NRXN1: variants seen among roughly 807,000 people sequenced by gnomAD.
NRXN1 encodes the protein neurexin 1, also known as neurexin-1.
NRXN1 carries 39 observed loss-of-function variants against 150.9 expected under a neutral mutation model. The observed-to-expected ratio is 0.26, with a 90% confidence interval of 0.20 to 0.34. The LOEUF (loss-of-function observed/expected upper bound fraction) is 0.34, where lower values mean the gene tolerates loss of function less well. Among genes scored for constraint, NRXN1 ranks in the 10% least tolerant of loss-of-function variants. The probability of loss-of-function intolerance (pLI) is 1.00; values close to 1 mark genes in which losing one functional copy is unlikely to be tolerated. For missense variants in NRXN1, 1,815 were observed against 1,949.9 expected (o/e 0.93, Z 1.30); for synonymous variants, 924 against 757.0 (o/e 1.22, Z -3.62).
intron 12 of NRXN1, among the ~76,000 whole-genome samples, chr2:50,525,743 C>CT (rs1452235941): frequency 6.6e-6 from 1 of 152,086 alleles, no homozygotes; most frequent in African/African-American, 2.4e-5. Context: ...TGAAAATAAG[C>CT]TTTTTTATTT....
At chr2:50,426,712 C>G (rs1295439394) in intron 17 of NRXN1, among the ~76,000 whole-genome samples, 1 of 152,146 alleles carries the variant, frequency 6.6e-6, no homozygotes, top group Admixed American at 6.5e-5. Context: ...AAAAATTTCA[C>G]TGCAAATTCA....
At chr2:50,479,582 G>A (rs753889860) in intron 15 of NRXN1, among the ~76,000 whole-genome samples, 2 of 151,286 alleles carry the variant, frequency 1.3e-5, no homozygotes, top group Non-Finnish European at 2.9e-5. Flanking sequence ...TTGATAATTA[G>A]TTGTTGACTC....
chr2:50,590,162 T>G (rs1175829246), intron 8 of NRXN1, among the ~76,000 whole-genome samples: 1 of 152,198 alleles, frequency 6.6e-6, no homozygotes, highest in Non-Finnish European at 1.5e-5. Context: ...TTTTAGAGTT[T>G]TAAAAAATCA....
chr2:50,614,038 G>C (rs1288211623), intron 8 of NRXN1, among the ~76,000 whole-genome samples: 1 of 152,014 alleles, frequency 6.6e-6, no homozygotes, highest in Non-Finnish European at 1.5e-5. Flanking sequence ...AAGTGAAGTG[G>C]GAAAGCAAAA....
chr2:50,260,182 C>T (rs2068107248), intron 17 of NRXN1, among the ~76,000 whole-genome samples: 1 of 151,792 alleles, frequency 6.6e-6, no homozygotes, highest in Admixed American at 6.6e-5. Context: ...TCTCTTAGAA[C>T]ATAGTGGTCA....
At chr2:50,328,200 A>G (rs773823110) in intron 17 of NRXN1, among the ~76,000 whole-genome samples, 7 of 151,538 alleles carry the variant, frequency 4.6e-5, no homozygotes, top group Non-Finnish European at 7.4e-5. Flanking sequence ...AACATGAGAT[A>G]TTTTTGTAAT....
intron 2 of NRXN1, among the ~76,000 whole-genome samples, chr2:50,927,172 T>C (rs1687029956): frequency 6.6e-6 from 1 of 152,008 alleles, no homozygotes; most frequent in Non-Finnish European, 1.5e-5. Flanking sequence ...GTATAGAAAC[T>C]TGAAAGCAAA....
Position 50,842,800 on chromosome 2 carries a change from G to A in NRXN1, c.832+79069C>T, listed in dbSNP as rs191647524. On this transcript the variant is annotated intron_variant, in intron 5 of 22. Transcript: ENST00000401669. ...AGCAAGACCAATATTTTTATTTACA[G>A]ATTTTCATGTAAGTGTGCATTCCCT... Among the ~76,000 whole-genome samples the A allele has an allele frequency of 2.0e-5, 3 of 152,234 alleles. No individual in the cohort carries two copies. In the East Asian group the frequency reaches 5.8e-4, roughly 29 times the overall value.
intron 21 of NRXN1, among the ~76,000 whole-genome samples, chr2:50,051,866 T>C (rs1170959956): frequency 6.6e-6 from 1 of 152,004 alleles, no homozygotes; most frequent in Non-Finnish European, 1.5e-5. Flanking sequence ...GAACACCCTA[T>C]AAGACATCCC....
At chr2:50,281,238 AC>A (rs2071412472) in intron 17 of NRXN1, among the ~76,000 whole-genome samples, 1 of 151,502 alleles carries the variant, frequency 6.6e-6, no homozygotes, top group African/African-American at 2.4e-5. Context: ...AATGGCATGA[AC>A]CCGGGAGGCG....
chr2:50,034,038 T>C (rs998579041), intron 21 of NRXN1, among the ~76,000 whole-genome samples: 3 of 151,054 alleles, frequency 2.0e-5, no homozygotes, highest in African/African-American at 7.3e-5. Context: ...TTATACACTG[T>C]TGGGGGGAGT....
At chr2:50,765,398 A>G (rs1424921697) in intron 5 of NRXN1, among the ~76,000 whole-genome samples, 1 of 152,036 alleles carries the variant, frequency 6.6e-6, no homozygotes, top group Non-Finnish European at 1.5e-5. Flanking sequence ...TGTCCCTACA[A>G]AAGAAAAAAG....
chr2:50,339,265 C>T (rs1035221680), intron 17 of NRXN1, among the ~76,000 whole-genome samples: 3 of 152,010 alleles, frequency 2.0e-5, no homozygotes, highest in Admixed American at 1.3e-4. Flanking sequence ...TATCATAATG[C>T]TTTTACCAAT....
At chr2:50,679,746 G>T (rs766673145) in intron 5 of NRXN1, among the ~76,000 whole-genome samples, 2 of 152,114 alleles carry the variant, frequency 1.3e-5, no homozygotes, top group Non-Finnish European at 2.9e-5. Flanking sequence ...AATTTGCCCT[G>T]AATGACATGG....
chr2:50,424,785 G>T (rs1021777387), intron 17 of NRXN1, among the ~76,000 whole-genome samples: 8 of 152,040 alleles, frequency 5.3e-5, no homozygotes, highest in Admixed American at 2.0e-4. Flanking sequence ...AAAACCAAAG[G>T]CTTCTCCTTC....
intron 2 of NRXN1, among the ~76,000 whole-genome samples, chr2:51,007,222 C>G (rs777342581): frequency 4.6e-5 from 7 of 151,712 alleles, no homozygotes; most frequent in Non-Finnish European, 7.4e-5. Context: ...AGATAATTAT[C>G]AGAAGATTAA....
chr2:50,539,402 G>A (rs2105266315), intron 9 of NRXN1, among the ~76,000 whole-genome samples: 1 of 152,102 alleles, frequency 6.6e-6, no homozygotes, highest in East Asian at 1.9e-4. Context: ...CACTCCAAAT[G>A]TTAAGGAGAA....
intron 17 of NRXN1, among the ~76,000 whole-genome samples, chr2:50,426,882 C>A (rs2084540158): frequency 6.6e-6 from 1 of 152,136 alleles, no homozygotes; most frequent in Non-Finnish European, 1.5e-5. Flanking sequence ...AAATTCACAG[C>A]CTTTCTTTCA....
At chr2:50,518,673 T>C (rs917459454) in intron 12 of NRXN1, among the ~76,000 whole-genome samples, 1 of 151,798 alleles carries the variant, frequency 6.6e-6, no homozygotes, top group East Asian at 1.9e-4. Flanking sequence ...AAATATATCA[T>C]TCCATGTCTA....
Sources: gnomAD v4.1 joint callset for allele counts (sites outside exome capture counted in the v4.1 genomes callset) on GRCh38, gnomAD v4.1.1 for gene constraint, MANE v1.5 for transcripts, NCBI Gene and HGNC (gene_info 2026-07-23, HGNC 2026-07-21) for gene names.